RANBP3: variants seen among roughly 807,000 people sequenced by gnomAD.
RANBP3 encodes ran-binding protein 3.
In RANBP3, 14 loss-of-function variants were observed where a neutral mutation model predicts 77.3. The ratio of observed to expected loss-of-function variants is 0.18; its 90% CI spans 0.12 to 0.28. The LOEUF (loss-of-function observed/expected upper bound fraction) is 0.28. RANBP3 is among the 10% of genes least tolerant of loss of function. RANBP3 has a pLI of 1.00. For missense variants in RANBP3, 586 were observed against 752.3 expected (o/e 0.78, Z 2.59); for synonymous variants, 315 against 312.4 (o/e 1.01, Z -0.09).
chr19:5,954,462 C>A (rs367674241), intron 2 of RANBP3, among the ~76,000 whole-genome samples: 6 of 152,132 alleles, frequency 3.9e-5, no homozygotes, highest in East Asian at 1.9e-4. Flanking sequence ...ATGAGACACC[C>A]GTGGAAGAAT....
chr19:5,941,196 G>A (rs2058131613), intron 5 of RANBP3, among the ~76,000 whole-genome samples: 2 of 152,234 alleles, frequency 1.3e-5, no homozygotes, highest in Admixed American at 1.3e-4. Flanking sequence ...GCGTGTGTGT[G>A]TCTGGGCTAC....
In RANBP3 at chr19:5,924,254, G is replaced by A. The variant is rs1040582609; in HGVS notation, c.997-340C>T. On this transcript the variant is annotated intron_variant, in intron 11 of 16. Coordinates refer to ENST00000340578, the MANE Select transcript of RANBP3 (RefSeq NM_007322.3). This position sits in a 1 kb window ranked among gnomAD's most constrained non-coding sequence, Gnocchi z 4.7. ...TGCAGCCTAACTCCAGACAGAGCTAGAGTGACCAGGCGGCTCAGGACAGGC... is the reference window on the plus strand; with the variant it reads ...TGCAGCCTAACTCCAGACAGAGCTAAAGTGACCAGGCGGCTCAGGACAGGC... Among the ~76,000 whole-genome samples, 1 of 152,264 alleles carries A rather than the reference G, an allele frequency of 6.6e-6. No homozygotes were observed.
chr19:5,955,661 A>G (rs2058326458), intron 2 of RANBP3, among the ~76,000 whole-genome samples: 2 of 152,230 alleles, frequency 1.3e-5, no homozygotes, highest in Non-Finnish European at 2.9e-5. Context: ...GATTTAAAGA[A>G]TTACTGATTC....
At chr19:5,953,026 G>A (rs1197076525) in intron 2 of RANBP3, among the ~76,000 whole-genome samples, 1 of 152,128 alleles carries the variant, frequency 6.6e-6, no homozygotes, top group African/African-American at 2.4e-5. Context: ...TGTAATCCCT[G>A]CTTTTGAAAT....
intron 2 of RANBP3, among the ~76,000 whole-genome samples, chr19:5,953,478 C>T (rs1474977199): frequency 6.6e-6 from 1 of 152,190 alleles, no homozygotes; most frequent in Admixed American, 6.5e-5. Flanking sequence ...TTCAGTGATA[C>T]TGTACTTTCT....
Position 5,932,535 on chromosome 19 carries a change from C to A in RANBP3, c.482G>T (p.Ser161Ile). Residue 161 changes from serine (S) to isoleucine (I), a missense_variant, in exon 7 of 17, where the codon AGC becomes ATC. Around this residue, in one of 5 missense-constraint regions of RANBP3, gnomAD observed 232 missense variants for 271.7 expected, o/e 0.85. Transcript: ENST00000340578. ...CCGCTGCTGCTCCTTGGGCTTCTGG[C>A]TTGGCAGACCTAGGAACAGAAGGCG... ...HGQAPSAGLP[S>I]QKPKEQQRSV... is the part of the protein sequence containing the mutation. 6.2e-7 allele frequency: 1 copy of A among 1,613,604 alleles called. No individual in the cohort carries two copies. Among genetic ancestry groups the A allele is most frequent in the Non-Finnish European group, 8.5e-7 (1 of 1,180,006 alleles).
At chr19:5,964,576 G>C (rs2058441487) in intron 1 of RANBP3, among the ~76,000 whole-genome samples, 1 of 152,048 alleles carries the variant, frequency 6.6e-6, no homozygotes. Flanking sequence ...AGCAGGCCCT[G>C]GGAACATAGA....
In RANBP3 at chr19:5,917,405, A is replaced by G; in HGVS notation, c.*205T>C. On this transcript the variant is annotated 3_prime_UTR_variant, in exon 17 of 17. Transcript: ENST00000340578. ...TGTTCTTGTTTGTTCGCTCATCAATATGATGAGGTCTCGTGTCCCAAACCA... is the reference window on the plus strand; with the variant it reads ...TGTTCTTGTTTGTTCGCTCATCAATGTGATGAGGTCTCGTGTCCCAAACCA... 1.8e-6 allele frequency: 1 copy of G among 553,636 alleles called. No individual in the cohort carries two copies. Among genetic ancestry groups the G allele is most frequent in the South Asian group, 2.5e-5 (1 of 40,438 alleles). 34.3% of individuals were successfully genotyped at this position (553,636 alleles called of 1,614,324 possible). A position where few individuals can be genotyped will look rare whatever the true frequency, so the allele number is the denominator to read the frequency against.
intron 1 of RANBP3, among the ~76,000 whole-genome samples, chr19:5,961,367 C>A (rs1599785478): frequency 6.6e-6 from 1 of 151,844 alleles, no homozygotes; most frequent in South Asian, 2.1e-4. Context: ...GCCAAGGTTG[C>A]GCCACTGCAC....
chr19:5,918,552 T>C lies in RANBP3; in HGVS notation c.1417A>G (p.Ile473Val), dbSNP rs1743615157. ...TCGGTGTCCATGGCTGTGATGCGAA[T>C]GCTCTTCTCGCTGGCCTTGTCGATC... ...MQIDKASEKS[I>V]RITAMDTEDQ... The change falls in exon 15 of 17, where the codon ATT (isoleucine) becomes GTT (valine). Residue 473 changes from isoleucine (I) to valine (V), a missense_variant. Ile to Val is a conservative substitution (Grantham distance 29). Coordinates refer to ENST00000340578, the MANE Select transcript of RANBP3 (RefSeq NM_007322.3). 1 of 1,613,526 alleles carries C rather than the reference T, an allele frequency of 6.2e-7. No individual in the cohort carries two copies. The highest frequency in any genetic ancestry group is 8.5e-7 in the Non-Finnish European group (1 of 1,179,900).
intron 1 of RANBP3, among the ~76,000 whole-genome samples, chr19:5,964,524 A>ACCCAT (rs2058440952): frequency 6.6e-6 from 1 of 152,096 alleles, no homozygotes; most frequent in Non-Finnish European, 1.5e-5. Flanking sequence ...TGTCTAGAGC[A>ACCCAT]CCCATCACAC....
At chr19:5,938,799 A>G (rs1265372195) in intron 5 of RANBP3, among the ~76,000 whole-genome samples, 1 of 152,226 alleles carries the variant, frequency 6.6e-6, no homozygotes, top group Non-Finnish European at 1.5e-5. Flanking sequence ...AAATTCACCA[A>G]CTTCACAGGC....
chr19:5,950,224 G>C (rs1035610293), intron 3 of RANBP3, among the ~76,000 whole-genome samples: 2 of 152,156 alleles, frequency 1.3e-5, no homozygotes, highest in Admixed American at 1.3e-4. Flanking sequence ...TGTACTCCCA[G>C]TGCACTGTGG....
intron 1 of RANBP3, among the ~76,000 whole-genome samples, chr19:5,971,489 T>G (rs2058529873): frequency 6.6e-6 from 1 of 152,180 alleles, no homozygotes; most frequent in African/African-American, 2.4e-5. Flanking sequence ...GCTTCTATAG[T>G]TCATCTGTTG....
chr19:5,928,329 A>T, intron 8 of RANBP3: 1 of 358,178 alleles, frequency 2.8e-6, no homozygotes, highest in South Asian at 6.9e-5. Flanking sequence ...TCCAAACAAC[A>T]AGAAACACCT....
intron 2 of RANBP3, 70 bp downstream of exon 2, chr19:5,957,846 GAA>G: frequency 4.5e-6 from 7 of 1,562,138 alleles, no homozygotes; most frequent in Non-Finnish European, 6.2e-6. Flanking sequence ...ATGCGACCTG[GAA>G]AAGAGACTCT....
At chr19:5,929,285 C>T (rs1308358043) in intron 8 of RANBP3, among the ~76,000 whole-genome samples, 1 of 152,232 alleles carries the variant, frequency 6.6e-6, no homozygotes, top group African/African-American at 2.4e-5. Flanking sequence ...ACGTGTTTGG[C>T]GACCTGGAAG....
chr19:5,977,693 C>A (rs1200255914), intron 1 of RANBP3, among the ~76,000 whole-genome samples: 1 of 152,178 alleles, frequency 6.6e-6, no homozygotes. Context: ...TGGCGCGCTC[C>A]GGGCCACAAC....
At chr19:5,947,427 A>G (rs186931020) in intron 3 of RANBP3, among the ~76,000 whole-genome samples, 174 of 152,310 alleles carry the variant, frequency 1.1e-3, no homozygotes, top group African/African-American at 3.9e-3. Flanking sequence ...AGCAGGACAT[A>G]AGAGCCCCAT....
Sources: gnomAD v4.1 joint callset for allele counts (sites outside exome capture counted in the v4.1 genomes callset) on GRCh38, gnomAD v4.1.1 for gene constraint, gnomAD v4.1.1 regional missense constraint, Gnocchi (gnomAD v3.1) non-coding constraint, MANE v1.5 for transcripts, NCBI Gene and HGNC (gene_info 2026-07-23, HGNC 2026-07-21) for gene names.